The following TRPC5 variants were observed in gnomAD, a reference collection of about 807,000 sequenced individuals.
TRPC5 encodes transient receptor potential cation channel subfamily C member 5.
TRPC5 carries 9 observed loss-of-function variants against 56.5 expected under a neutral mutation model. The ratio of observed to expected loss-of-function variants is 0.16; its 90% confidence interval spans 0.10 to 0.28. The LOEUF is 0.28. Ranked by LOEUF, TRPC5 falls within the 10% of genes least tolerant of loss-of-function variation. The probability of loss-of-function intolerance (pLI) is 1.00; values close to 1 mark genes in which losing one functional copy is unlikely to be tolerated. For synonymous variants in TRPC5, 282 were observed against 278.5 expected (o/e 1.01, Z -0.13); for missense variants, 469 against 748.9 (o/e 0.63, Z 4.36).
chrX:111,944,301 T>TGAAA (rs1166564102), intron 2 of TRPC5, among the ~76,000 whole-genome samples: 126 of 84,571 alleles, frequency 1.5e-3, no homozygotes, highest in Non-Finnish European at 1.9e-3. Flanking sequence ...TGTGTGTGTG[T>TGAAA]GTGAGAGAGA....
intron 1 of TRPC5, among the ~76,000 whole-genome samples, chrX:112,049,913 C>T (rs1290509797): frequency 8.9e-6 from 1 of 111,739 alleles, no homozygotes; most frequent in Non-Finnish European, 1.9e-5. Flanking sequence ...TGGTGGCTCA[C>T]GCCTGTAATG....
chrX:111,908,501 C>T (rs767052819), intron 3 of TRPC5, among the ~76,000 whole-genome samples: 17 of 111,181 alleles, frequency 1.5e-4, no homozygotes, highest in African/African-American at 5.2e-4. Context: ...ATTTGAGTTT[C>T]GGTGGCTCTT....
chrX:111,984,702 C>T (rs181427883), intron 1 of TRPC5, among the ~76,000 whole-genome samples: 159 of 111,759 alleles, frequency 1.4e-3, no homozygotes, highest in African/African-American at 5.0e-3. Context: ...TGTGATAGCT[C>T]GTGGAAGGGA....
chrX:111,973,039 T>C (rs1165061231), intron 1 of TRPC5, among the ~76,000 whole-genome samples: 1 of 112,178 alleles, frequency 8.9e-6, no homozygotes, highest in Non-Finnish European at 1.9e-5. Context: ...TAGCAGCTCA[T>C]GTGACCTTCA....
intron 2 of TRPC5, 87 bp from the exon 3 acceptor site, chrX:111,912,899 G>A: frequency 1.0e-6 from 1 of 967,967 alleles, no homozygotes; most frequent in Non-Finnish European, 1.4e-6. Context: ...GGCGATTCAG[G>A]AATTAGAGTC....
At chrX:111,936,259 G>C (rs1926569375) in intron 2 of TRPC5, among the ~76,000 whole-genome samples, 1 of 111,080 alleles carries the variant, frequency 9.0e-6, no homozygotes, top group Non-Finnish European at 1.9e-5. Context: ...ATTGTTTGCT[G>C]TTGGCATACA....
chrX:111,973,434 C>A (rs766085521), intron 1 of TRPC5, among the ~76,000 whole-genome samples: 3 of 112,121 alleles, frequency 2.7e-5, no homozygotes, highest in Non-Finnish European at 5.6e-5. Flanking sequence ...TGGTGGAATT[C>A]TGAGAATAAT....
At chrX:111,870,726 G>A (rs1923728267) in intron 3 of TRPC5, among the ~76,000 whole-genome samples, 2 of 111,497 alleles carry the variant, frequency 1.8e-5, no homozygotes, top group Non-Finnish European at 3.8e-5. Context: ...CCTGCCAGGT[G>A]AGTATTGCTC....
chrX:111,872,019 C>T (rs1435215170), intron 3 of TRPC5, among the ~76,000 whole-genome samples: 1 of 112,099 alleles, frequency 8.9e-6, no homozygotes, highest in Non-Finnish European at 1.9e-5. Context: ...CTTTCCTTTC[C>T]TCACACCTGT....
chrX:112,073,002 T>A (rs1015110325), intron 1 of TRPC5, among the ~76,000 whole-genome samples: 1 of 112,268 alleles, frequency 8.9e-6, no homozygotes, highest in African/African-American at 3.2e-5. Context: ...ATTTATATTT[T>A]AAAATTGAAT....
At chrX:111,999,518 T>C (rs1467967143) in intron 1 of TRPC5, among the ~76,000 whole-genome samples, 11 of 112,257 alleles carry the variant, frequency 9.8e-5, no homozygotes, top group African/African-American at 3.6e-4. Context: ...CACTCATCTG[T>C]TGATGAGCAC....
At chrX:112,027,785 C>T (rs1015877488) in intron 1 of TRPC5, among the ~76,000 whole-genome samples, 1 of 112,060 alleles carries the variant, frequency 8.9e-6, no homozygotes, top group East Asian at 2.8e-4. Flanking sequence ...CGTGAGCCAC[C>T]GCGCCTGGCC....
At chrX:112,024,185 G>A (rs768120977) in intron 1 of TRPC5, among the ~76,000 whole-genome samples, 1 of 111,761 alleles carries the variant, frequency 8.9e-6, no homozygotes, top group Non-Finnish European at 1.9e-5. Flanking sequence ...AATTTTATCT[G>A]TCAACTTGAC....
chrX:111,954,496 G>T (rs1383145626), intron 1 of TRPC5, among the ~76,000 whole-genome samples: 1 of 111,765 alleles, frequency 8.9e-6, no homozygotes, highest in Non-Finnish European at 1.9e-5. Context: ...GATCAGTTAT[G>T]GCCTAGTTGG....
intron 1 of TRPC5, among the ~76,000 whole-genome samples, chrX:111,990,795 G>A (rs975648004): frequency 1.8e-5 from 2 of 111,869 alleles, no homozygotes; most frequent in Admixed American, 9.5e-5. Context: ...CAGAGAGATC[G>A]AATTGTCTCA....
intron 1 of TRPC5, among the ~76,000 whole-genome samples, chrX:112,038,611 G>A (rs1929811119): frequency 8.9e-6 from 1 of 111,981 alleles, no homozygotes; most frequent in Non-Finnish European, 1.9e-5. Context: ...ATTCAAACTT[G>A]GTTAAAATTA....
chrX:112,049,710 C>T (rs1038920097), intron 1 of TRPC5, among the ~76,000 whole-genome samples: 1 of 110,498 alleles, frequency 9.0e-6, no homozygotes, highest in East Asian at 2.8e-4. Context: ...CATGAATGTA[C>T]AGAAAGGCTG....
At chrX:111,798,361 A>G (rs1322764286) in intron 7 of TRPC5, among the ~76,000 whole-genome samples, 1 of 112,144 alleles carries the variant, frequency 8.9e-6, no homozygotes, top group Non-Finnish European at 1.9e-5. Flanking sequence ...GCTGTGTGCC[A>G]CTTATCTCCA....
chrX:111,781,224 CAG>C lies in TRPC5; in HGVS notation c.2101-20_2101-19del, dbSNP rs1257552995. On this transcript the variant is annotated intron_variant, in intron 8 of 10. Coordinates refer to ENST00000262839, the MANE Select transcript of TRPC5 (RefSeq NM_012471.3). ...TTGCGTTCCTATAATTGAAAATAGA[CAG>C]AGATGTTACATCAGCAGTCTCCCAG... 5.8e-6 allele frequency: 7 copies of C among 1,197,951 alleles called. No individual in the cohort carries two copies. In the African/African-American group the frequency reaches 1.1e-4, roughly 18 times the overall value.
Sources: gnomAD v4.1 joint callset for allele counts (sites outside exome capture counted in the v4.1 genomes callset) on GRCh38, gnomAD v4.1.1 for gene constraint, MANE v1.5 for transcripts, NCBI Gene and HGNC (gene_info 2026-07-23, HGNC 2026-07-21) for gene names.